The following MAGI2 variants were observed in gnomAD, a reference collection of about 807,000 sequenced individuals.
MAGI2 encodes the protein membrane-associated guanylate kinase, WW and PDZ domain-containing protein 2.
MAGI2 carries 35 observed loss-of-function variants against 133.3 expected under a neutral mutation model. The ratio of observed to expected loss-of-function variants is 0.26; its 90% CI spans 0.20 to 0.35. The LOEUF (loss-of-function observed/expected upper bound fraction) is 0.35, where lower values mean the gene tolerates loss of function less well. Ranked by LOEUF, MAGI2 falls within the 10% of genes least tolerant of loss-of-function variation. The probability of loss-of-function intolerance (pLI) is 1.00; values close to 1 mark genes in which losing one functional copy is unlikely to be tolerated. For synonymous variants in MAGI2, 729 were observed against 710.6 expected, an observed-to-expected ratio of 1.03 and a Z score of -0.41; for missense variants, 1,636 against 1,863.4, an observed-to-expected ratio of 0.88 and a Z score of 2.25.
At chr7:78,764,550 C>T (rs2774059) in intron 2 of MAGI2, among the ~76,000 whole-genome samples, 136,627 of 152,054 alleles carry the variant, frequency 0.9, 61,464 homozygotes, top group East Asian at 1. Flanking sequence ...ATGATTTTTT[C>T]CCCCCATCCC....
intron 2 of MAGI2, among the ~76,000 whole-genome samples, chr7:78,905,513 A>C (rs774292942): frequency 6.6e-6 from 1 of 152,184 alleles, no homozygotes; most frequent in Non-Finnish European, 1.5e-5. Context: ...ATTGCCTGGC[A>C]TTTACTAAGT....
chr7:78,349,749 T>A (rs912112503), intron 7 of MAGI2, among the ~76,000 whole-genome samples: 4 of 152,192 alleles, frequency 2.6e-5, no homozygotes, highest in African/African-American at 9.7e-5. Context: ...AAACTTAAAA[T>A]GCTCACAAGC....
chr7:78,707,359 G>GC (rs1244346311), intron 2 of MAGI2, among the ~76,000 whole-genome samples: 1 of 152,000 alleles, frequency 6.6e-6, no homozygotes, highest in African/African-American at 2.4e-5. Flanking sequence ...CTTAAAATAT[G>GC]CCTGAAAGGT....
chr7:78,490,638 G>A (rs73374258), intron 5 of MAGI2, among the ~76,000 whole-genome samples: 2 of 152,028 alleles, frequency 1.3e-5, no homozygotes, highest in Non-Finnish European at 2.9e-5. Context: ...CATATTCTGA[G>A]TCCTCAAAGA....
At chr7:78,856,938 T>A (rs1277022835) in intron 2 of MAGI2, among the ~76,000 whole-genome samples, 2 of 152,134 alleles carry the variant, frequency 1.3e-5, no homozygotes, top group African/African-American at 2.4e-5. Context: ...TGAGCAGTGG[T>A]TTGTAGTTCT....
chr7:78,327,162 C>G (rs1044216047), intron 9 of MAGI2, among the ~76,000 whole-genome samples: 7 of 152,156 alleles, frequency 4.6e-5, no homozygotes, highest in Non-Finnish European at 1.0e-4. Context: ...TATTCCTTGC[C>G]CAGCAGGCAG....
chr7:79,416,604 G>C (rs1377203365), intron 1 of MAGI2, among the ~76,000 whole-genome samples: 1 of 152,044 alleles, frequency 6.6e-6, no homozygotes, highest in East Asian at 1.9e-4. Flanking sequence ...AAGTACTCTA[G>C]AGATCAGAGA....
rs1174096501 is a variant in MAGI2, at chr7:79,028,235, GTATATATATATATA to G, written c.302-21043_302-21030del. On this transcript the variant is annotated intron_variant, in intron 1 of 21. Coordinates refer to ENST00000354212, the MANE Select transcript of MAGI2 (RefSeq NM_012301.4). ...CAAAAAAATATATATATATATGTAT[GTATATATATATATA>G]TATATATATATATATATATGTATGT... Among the ~76,000 whole-genome samples, 20 of 29,332 alleles carry G rather than the reference GTATATATATATATA, an allele frequency of 6.8e-4. 1 individual carries two copies. The highest frequency in any genetic ancestry group is 1.6e-3 in the African/African-American group (17 of 10,886). The allele number at this position is 29,332 out of a possible 152,430, so 19.2% of individuals were successfully genotyped here. A position where few individuals can be genotyped will look rare whatever the true frequency, so the allele number is the denominator to read the frequency against.
At chr7:78,624,198 T>A (rs1808068304) in intron 3 of MAGI2, among the ~76,000 whole-genome samples, 1 of 152,078 alleles carries the variant, frequency 6.6e-6, no homozygotes, top group Non-Finnish European at 1.5e-5. Context: ...TTTTTTAAGT[T>A]CCTTGTAGAC....
At chr7:79,028,326 T>TACAC (rs1554336478) in intron 1 of MAGI2, among the ~76,000 whole-genome samples, 1 of 25,372 alleles carries the variant, frequency 3.9e-5, no homozygotes. Flanking sequence ...CACATATATA[T>TACAC]ACATATATAT....
At chr7:78,430,630 G>A (rs987646121) in intron 6 of MAGI2, among the ~76,000 whole-genome samples, 1 of 152,024 alleles carries the variant, frequency 6.6e-6, no homozygotes. Context: ...GTTATAGGAG[G>A]AAATCCCACA....
intron 4 of MAGI2, among the ~76,000 whole-genome samples, chr7:78,514,491 T>A (rs978970362): frequency 6.6e-6 from 1 of 152,092 alleles, no homozygotes; most frequent in Non-Finnish European, 1.5e-5. Context: ...CCCCAGAAAT[T>A]TTCCCATTCA....
chr7:79,078,681 A>G (rs1420645120), intron 1 of MAGI2, among the ~76,000 whole-genome samples: 1 of 152,228 alleles, frequency 6.6e-6, no homozygotes, highest in Non-Finnish European at 1.5e-5. Context: ...CAACAACAGT[A>G]TCTTGGTAAT....
chr7:78,731,060 A>G (rs1341721237), intron 2 of MAGI2, among the ~76,000 whole-genome samples: 2 of 152,114 alleles, frequency 1.3e-5, no homozygotes, highest in African/African-American at 4.8e-5. Context: ...AAAGCTCCTT[A>G]CAATGTTCTA....
chr7:78,882,346 T>C (rs958953127), intron 2 of MAGI2, among the ~76,000 whole-genome samples: 8 of 151,844 alleles, frequency 5.3e-5, no homozygotes, highest in Non-Finnish European at 1.2e-4. Flanking sequence ...CAGACCAACA[T>C]TGAATTCTGT....
At chr7:78,507,908 G>C (rs1450296590) in intron 4 of MAGI2, among the ~76,000 whole-genome samples, 1 of 152,164 alleles carries the variant, frequency 6.6e-6, no homozygotes, top group East Asian at 1.9e-4. Context: ...ACCACAAACT[G>C]AGTGGCTTCA....
intron 1 of MAGI2, among the ~76,000 whole-genome samples, chr7:79,433,474 A>T (rs1336888390): frequency 6.6e-6 from 1 of 151,314 alleles, no homozygotes; most frequent in Non-Finnish European, 1.5e-5. Context: ...AATGGCGTGC[A>T]CCCGGGAGGC....
chr7:78,257,479 A>G (rs1269900712), intron 9 of MAGI2, among the ~76,000 whole-genome samples: 2 of 152,188 alleles, frequency 1.3e-5, no homozygotes, highest in African/African-American at 4.8e-5. Context: ...CTTTCTCCCC[A>G]GTGAACTATC....
intron 2 of MAGI2, among the ~76,000 whole-genome samples, chr7:78,835,602 C>T (rs1359337725): frequency 1.3e-5 from 2 of 152,092 alleles, no homozygotes; most frequent in Non-Finnish European, 2.9e-5. Context: ...ACAATGTGAT[C>T]ACAAACAAAA....
Sources: allele counts gnomAD v4.1 joint callset (sites outside exome capture counted in the v4.1 genomes callset), GRCh38; gene constraint gnomAD v4.1.1; transcripts MANE v1.5; gene names NCBI Gene and HGNC (gene_info 2026-07-23, HGNC 2026-07-21).